PABIR2: variants seen among roughly 807,000 people sequenced by gnomAD.
The protein encoded by PABIR2 is family with sequence similarity 122B.
A neutral mutation model predicts 22.8 loss-of-function variants in PABIR2; 7 were observed. That is an observed-to-expected ratio of 0.31 (90% CI 0.17 to 0.58). The LOEUF is 0.58. Among genes scored for constraint, PABIR2 ranks in the 20% least tolerant of loss-of-function variants. The probability of loss-of-function intolerance (pLI) is 0.89; values close to 1 mark genes in which losing one functional copy is unlikely to be tolerated. For missense variants in PABIR2, 155 were observed against 205.1 expected (o/e 0.76, Z 1.49); for synonymous variants, 67 against 73.8 (o/e 0.91, Z 0.47).
chrX:134,777,459 G>A lies in PABIR2; in HGVS notation c.659+4362C>T, dbSNP rs1386201845. Among the ~76,000 whole-genome samples, 3 of 104,611 alleles carry A rather than the reference G, an allele frequency of 2.9e-5. No individual in the cohort carries two copies. In the Admixed American group the frequency reaches 3.1e-4, roughly 11 times the overall value. The allele number at this position is 104,611 out of a possible 115,157, so 90.8% of individuals were successfully genotyped here. On this transcript the variant is annotated intron_variant, in intron 9 of 9. Transcript: ENST00000343004. ...GTGGATGGCTTGAGCCCGGGAAGCA[G>A]AGGTTGCAGTGAGCCATGATCACAC...
chrX:134,787,353 G>A (rs997975035), intron 7 of PABIR2, 119 bp downstream of exon 7: 5 of 646,504 alleles, frequency 7.7e-6, no homozygotes, highest in African/African-American at 6.7e-5. Flanking sequence ...ACCAGCCTCG[G>A]CCTTCCAAAG....
chrX:134,784,544 C>A (rs1297041584), intron 8 of PABIR2, among the ~76,000 whole-genome samples: 1 of 107,941 alleles, frequency 9.3e-6, no homozygotes, highest in Non-Finnish European at 1.9e-5. Flanking sequence ...AGGCTGCCAT[C>A]TCGGCTCACT....
At chrX:134,794,126 C>A in intron 1 of PABIR2, 2 of 542,420 alleles carry the variant, frequency 3.7e-6, no homozygotes, top group Non-Finnish European at 4.5e-6. Flanking sequence ...CGGGGGGCAG[C>A]TGGGAGAGGT....
Position 134,772,160 on chromosome X carries a change from C to A in PABIR2, c.783G>T (p.Met261Ile). 1 of 1,201,669 alleles carries A rather than the reference C, an allele frequency of 8.3e-7. No homozygotes were observed. Among genetic ancestry groups the A allele is most frequent in the Admixed American group, 2.2e-5 (1 of 45,302 alleles). ...TAAGTCACTTGGGTGAGAGATCATC[C>A]ATCAAGATGAACGAAGAGCATGAAT... is the stretch of plus-strand genomic sequence containing the variant. Reference protein sequence around the residue: ...CSNSCSSFILMDDLSPK With the variant: ...CSNSCSSFILIDDLSPK Residue 261 changes from methionine (M) to isoleucine (I), a missense_variant, in exon 10 of 10, where the codon ATG becomes ATT. By Grantham distance (10) the Met-to-Ile change is conservative. Transcript: ENST00000343004.
intron 2 of PABIR2, 44 bp downstream of exon 2, chrX:134,793,771 T>A: frequency 5.3e-6 from 6 of 1,135,770 alleles, no homozygotes; most frequent in Non-Finnish European, 7.2e-6. Context: ...TTCAAAGTAT[T>A]TTCCCCAATC....
chrX:134,782,060 A>G (rs1225611265), intron 8 of PABIR2, 143 bp from the exon 9 acceptor site: 3 of 363,693 alleles, frequency 8.2e-6, no homozygotes, highest in East Asian at 4.4e-5. Flanking sequence ...GTGCTTTAAC[A>G]TGGAAGAAAT....
intron 2 of PABIR2, 189 bp downstream of exon 2, chrX:134,793,626 A>T (rs1473456476): frequency 1.8e-6 from 1 of 554,227 alleles, no homozygotes; most frequent in Non-Finnish European, 3.1e-6. Context: ...CAGCAAAGAA[A>T]AATTTTTAAC....
At chrX:134,781,179 G>A (rs1294705900) in intron 9 of PABIR2, among the ~76,000 whole-genome samples, 1 of 112,789 alleles carries the variant, frequency 8.9e-6, no homozygotes, top group African/African-American at 3.2e-5. Flanking sequence ...GAACGAAAGC[G>A]AAGGTGTCAG....
At chrX:134,779,128 CG>C (rs1412729200) in intron 9 of PABIR2, among the ~76,000 whole-genome samples, 1 of 111,278 alleles carries the variant, frequency 9.0e-6, no homozygotes, top group Non-Finnish European at 1.9e-5. Context: ...CAGCTTTTTA[CG>C]TTTAAGAATC....
intron 2 of PABIR2, chrX:134,791,663 A>G (rs1288180832): frequency 6.1e-6 from 2 of 329,219 alleles, no homozygotes; most frequent in African/African-American, 2.7e-5. Context: ...ATGTGAAGCT[A>G]AAGGCATTTC....
At chrX:134,788,024 C>T (rs2079394014) in intron 6 of PABIR2, among the ~76,000 whole-genome samples, 1 of 105,831 alleles carries the variant, frequency 9.4e-6, no homozygotes, top group Non-Finnish European at 1.9e-5. Flanking sequence ...AACTAAATTA[C>T]ATATATATAT....
In PABIR2 at chrX:134,770,695, A is replaced by C. The variant is rs1034985269; in HGVS notation, c.*1444T>G. On this transcript the variant is annotated 3_prime_UTR_variant, in exon 10 of 10. Coordinates refer to ENST00000343004, the MANE Select transcript of PABIR2 (RefSeq NM_001387468.1). ...CCACAGTATCTGAACGTTAAAAGAAATCTATCACGACAGACATTTTACCTA... is the reference window on the plus strand; with the variant it reads ...CCACAGTATCTGAACGTTAAAAGAACTCTATCACGACAGACATTTTACCTA... The C allele has an allele frequency of 1.8e-5, 2 of 113,154 alleles. No individual in the cohort carries two copies. The highest frequency in any genetic ancestry group is 3.7e-5 in the Non-Finnish European group (2 of 53,380). The allele number at this position is 113,154 out of a possible 1,213,427, so 9.3% of individuals were successfully genotyped here.
chrX:134,783,732 A>G (rs1282113469), intron 8 of PABIR2, among the ~76,000 whole-genome samples: 3 of 108,546 alleles, frequency 2.8e-5, no homozygotes. Context: ...CTCAATTAAA[A>G]AAAAAAAGTT....
rs766984262 is a variant in PABIR2 at position 134,781,969 on chromosome X, G to A, written c.563-52C>T. On this transcript the variant is annotated intron_variant, in intron 8 of 9. Coordinates refer to ENST00000343004, the MANE Select transcript of PABIR2 (RefSeq NM_001387468.1). ...ATAAAACAATTTTACAAATACAGGC[G>A]TGGTGCTAACATATGATGACCTTTG... 33 of 904,246 alleles carry A rather than the reference G, an allele frequency of 3.6e-5. 1 individual carries two copies. The Middle Eastern group carries it at 2.2e-3, about 61-fold the overall frequency. The allele number at this position is 904,246 out of a possible 1,213,427, so 74.5% of individuals were successfully genotyped here. A position where few individuals can be genotyped will look rare whatever the true frequency, so the allele number is the denominator to read the frequency against.
chrX:134,780,783 A>G (rs2079136571), intron 9 of PABIR2, among the ~76,000 whole-genome samples: 1 of 111,983 alleles, frequency 8.9e-6, no homozygotes, highest in African/African-American at 3.2e-5. Flanking sequence ...AACTTCAGGT[A>G]TAGGAAAAGA....
rs144341437 is a variant in PABIR2, at chrX:134,784,461, G to T, written c.562+1425C>A. On this transcript the variant is annotated intron_variant, in intron 8 of 9. Coordinates refer to ENST00000343004, the MANE Select transcript of PABIR2 (RefSeq NM_001387468.1). ...AGTCTGGGCAACAAGAACGAAATTC[G>T]GTCTCAAAAAAAACAAACAAAAACC... Among the ~76,000 whole-genome samples the T allele has an allele frequency of 2.8e-5, 3 of 107,312 alleles. 1 individual carries two copies. The highest frequency in any genetic ancestry group is 1.0e-4 in the African/African-American group (3 of 29,231). The allele number at this position is 107,312 out of a possible 115,157, so 93.2% of individuals were successfully genotyped here. A position where few individuals can be genotyped will look rare whatever the true frequency, so the allele number is the denominator to read the frequency against.
chrX:134,792,862 C>T (rs901273797), intron 2 of PABIR2, among the ~76,000 whole-genome samples: 3 of 112,045 alleles, frequency 2.7e-5, no homozygotes, highest in African/African-American at 9.7e-5. Flanking sequence ...AGTTAATGAC[C>T]CAGGTATCCT....
Position 134,772,205 on chromosome X carries a change from C to T in PABIR2, c.738G>A (p.Glu246=). The T allele has an allele frequency of 1.7e-6, 2 of 1,207,683 alleles. No individual in the cohort carries two copies. Among genetic ancestry groups the T allele is most frequent in the Non-Finnish European group, 2.2e-6 (2 of 892,729 alleles). Residue 246 remains glutamate (E), a synonymous_variant, in exon 10 of 10, where the codon GAG becomes GAA. Transcript: ENST00000343004. ...DPLAKGSATA[E]SPVACSNSCS... ...ATGAATTGGAGCATGCTACTGGAGA[C>T]TCTGCGGTAGCGCTGCCTTTAGCCA...
intron 9 of PABIR2, among the ~76,000 whole-genome samples, chrX:134,779,584 G>A (rs1042916715): frequency 9.0e-6 from 1 of 111,669 alleles, no homozygotes; most frequent in African/African-American, 3.3e-5. Context: ...TGTGCTGCTC[G>A]GAGGAATAAA....
Sources: allele counts gnomAD v4.1 joint callset (sites outside exome capture counted in the v4.1 genomes callset), GRCh38; gene constraint gnomAD v4.1.1; transcripts MANE v1.5; gene names NCBI Gene and HGNC (gene_info 2026-07-23, HGNC 2026-07-21).